Variants in DAB2IP observed in about 807,000 individuals in gnomAD.
DAB2IP encodes DAB2 interacting protein.
DAB2IP carries 28 observed loss-of-function variants against 107.2 expected under a neutral mutation model. That is an observed-to-expected ratio of 0.26 (90% CI 0.19 to 0.36). The LOEUF is 0.36. Among genes scored for constraint, DAB2IP ranks in the 10% least tolerant of loss-of-function variants. The probability of loss-of-function intolerance (pLI) is 1.00; values close to 1 mark genes in which losing one functional copy is unlikely to be tolerated. For missense variants in DAB2IP, 1,400 were observed against 1,644.7 expected (o/e 0.85, Z 2.57); for synonymous variants, 755 against 706.4 (o/e 1.07, Z -1.09).
At position 121,635,016 on chromosome 9, in the gene DAB2IP, ATGTG is replaced by A. The variant is rs375687923; in HGVS notation, c.41-43651_41-43648del. ...CCCACCCAGCCTCAGACCTGTGTAT[ATGTG>A]TGTGTGTGTGCGCGTGCGTGTGTAT... On this transcript the variant is annotated intron_variant, in intron 1 of 16. Transcript: ENST00000259371. The surrounding 1 kb of genome is among the most constrained non-coding windows in gnomAD (Gnocchi z 4.3). Among the ~76,000 whole-genome samples the A allele has an allele frequency of 6.6e-6, 1 of 151,688 alleles. No homozygotes were observed. Among genetic ancestry groups the A allele is most frequent in the Non-Finnish European group, 1.5e-5 (1 of 67,930 alleles).
intron 1 of DAB2IP, among the ~76,000 whole-genome samples, chr9:121,577,462 G>A (rs1056514094): frequency 3.9e-5 from 6 of 152,244 alleles, no homozygotes; most frequent in African/African-American, 1.4e-4. Flanking sequence ...CGGTGTGTCT[G>A]CCAGTGGGCC....
At chr9:121,754,912 C>A (rs1294446488) in intron 3 of DAB2IP, among the ~76,000 whole-genome samples, 1 of 152,194 alleles carries the variant, frequency 6.6e-6, no homozygotes, top group Non-Finnish European at 1.5e-5. Context: ...GGGTCCCTAC[C>A]CCACCCTCCC....
chr9:121,684,220 G>T lies in DAB2IP; in HGVS notation c.228+5439G>T, dbSNP rs1279011573. The stretch of plus-strand genomic sequence containing the variant: ...CCGCCCATGTCACCATGGAAAGGCT[G>T]TTGGAAATTAACTGGTTCAACCCTT... On this transcript the variant is annotated intron_variant, in intron 2 of 15. Transcript: ENST00000408936. This position sits in a 1 kb window ranked among gnomAD's most constrained non-coding sequence, Gnocchi z 4.0. Among the ~76,000 whole-genome samples the T allele has an allele frequency of 6.6e-6, 1 of 152,196 alleles. No homozygotes were observed. The highest frequency in any genetic ancestry group is 1.5e-5 in the Non-Finnish European group (1 of 68,020).
chr9:121,716,214 G>A (rs770720862), intron 3 of DAB2IP, among the ~76,000 whole-genome samples: 1 of 152,210 alleles, frequency 6.6e-6, no homozygotes, highest in Non-Finnish European at 1.5e-5. Flanking sequence ...GGTGGTAGTG[G>A]AGTATACTTT....
At chr9:121,606,776 G>GTT (rs1033556948) in intron 1 of DAB2IP, among the ~76,000 whole-genome samples, 5 of 144,444 alleles carry the variant, frequency 3.5e-5, no homozygotes, top group Admixed American at 7.0e-5. Context: ...TTTGTTTTTT[G>GTT]TTTTTTTTTT....
chr9:121,568,380 T>C (rs1371120347), intron 1 of DAB2IP, among the ~76,000 whole-genome samples: 1 of 152,054 alleles, frequency 6.6e-6, no homozygotes, highest in Non-Finnish European at 1.5e-5. Context: ...AGTTGATGCA[T>C]GCAGAGTGAC....
chr9:121,710,799 T>C (rs75716140), intron 3 of DAB2IP, among the ~76,000 whole-genome samples: 2 of 152,072 alleles, frequency 1.3e-5, no homozygotes, highest in African/African-American at 4.8e-5. Flanking sequence ...GGCGCTGAAA[T>C]CCCCAGCCAC....
chr9:121,756,823 G>T (rs1014341996), intron 3 of DAB2IP, among the ~76,000 whole-genome samples, 190 bp from the exon 4 acceptor site: 2 of 152,226 alleles, frequency 1.3e-5, no homozygotes, highest in Non-Finnish European at 2.9e-5. Context: ...GACTCTTGCA[G>T]TCGGGAGGAG....
Position 121,782,799 on chromosome 9 carries a change from A to T in DAB2IP, c.*301A>T, listed in dbSNP as rs544258563. 86 of 1,236,416 alleles carry T rather than the reference A, an allele frequency of 7.0e-5. No individual in the cohort carries two copies. The highest frequency in any genetic ancestry group is 4.9e-4 in the South Asian group (23 of 46,584). 76.6% of individuals were successfully genotyped at this position (1,236,416 alleles called of 1,614,324 possible). A position where few individuals can be genotyped will look rare whatever the true frequency, so the allele number is the denominator to read the frequency against. On this transcript the variant is annotated 3_prime_UTR_variant, in exon 16 of 16. Coordinates refer to ENST00000408936, the Ensembl canonical transcript of DAB2IP. This position sits in a 1 kb window ranked among gnomAD's most constrained non-coding sequence, Gnocchi z 6.1. ...CCAAAAATATGTCTGTTGGTTCCTGAATGTGGTGTGTCCTTGTCCTCCTGG... is the reference window on the plus strand; with the variant it reads ...CCAAAAATATGTCTGTTGGTTCCTGTATGTGGTGTGTCCTTGTCCTCCTGG...
intron 5 of DAB2IP, 28 bp downstream of exon 5, chr9:121,759,024 A>G: frequency 1.3e-6 from 2 of 1,591,134 alleles, no homozygotes; most frequent in East Asian, 2.3e-5. Flanking sequence ...TCACCAAAGC[A>G]TGGGGGATTG....
chr9:121,769,710 C>T (rs945021196), intron 10 of DAB2IP, among the ~76,000 whole-genome samples: 3 of 152,226 alleles, frequency 2.0e-5, no homozygotes, highest in African/African-American at 4.8e-5. Flanking sequence ...TGAGACCCTA[C>T]ATTCCACCTG....
At chr9:121,611,470 T>A (rs1831093779) in intron 1 of DAB2IP, among the ~76,000 whole-genome samples, 1 of 152,238 alleles carries the variant, frequency 6.6e-6, no homozygotes, top group Non-Finnish European at 1.5e-5. Context: ...CTGGCTGCTC[T>A]ACCTACCAGC....
intron 3 of DAB2IP, chr9:121,737,478 G>A (rs917071497): frequency 7.1e-6 from 7 of 985,322 alleles, no homozygotes; most frequent in South Asian, 4.7e-5. Flanking sequence ...ATGCCGGCCC[G>A]GCCGAGAGGC....
chr9:121,750,967 C>T (rs1383253613), intron 3 of DAB2IP: 1 of 163,798 alleles, frequency 6.1e-6, no homozygotes, highest in Non-Finnish European at 1.3e-5. Context: ...TGCCTTGTGC[C>T]CACGTTTCCT....
intron 8 of DAB2IP, among the ~76,000 whole-genome samples, chr9:121,764,817 C>A (rs1384816630): frequency 6.6e-6 from 1 of 152,224 alleles, no homozygotes; most frequent in African/African-American, 2.4e-5. Flanking sequence ...CTTCCTGCTC[C>A]GAGGCCACAC....
At chr9:121,742,532 C>T (rs904181513) in intron 3 of DAB2IP, among the ~76,000 whole-genome samples, 2 of 152,244 alleles carry the variant, frequency 1.3e-5, no homozygotes, top group Non-Finnish European at 2.9e-5. Flanking sequence ...GGTGCTGAGA[C>T]GCAGACAGTC....
At chr9:121,646,433 C>T (rs866299833) in intron 1 of DAB2IP, among the ~76,000 whole-genome samples, 8 of 152,214 alleles carry the variant, frequency 5.3e-5, no homozygotes, top group Admixed American at 1.3e-4. Context: ...TCATTGCCTG[C>T]CAGACAGGCC....
intron 14 of DAB2IP, among the ~76,000 whole-genome samples, chr9:121,777,003 ACT>A (rs1208815207): frequency 6.6e-6 from 1 of 151,688 alleles, no homozygotes; most frequent in East Asian, 1.9e-4. Flanking sequence ...TTTAATGCTG[ACT>A]CTCATCTTTT....
chr9:121,638,980 G>A (rs1017003839), intron 1 of DAB2IP, among the ~76,000 whole-genome samples: 1 of 152,130 alleles, frequency 6.6e-6, no homozygotes, highest in African/African-American at 2.4e-5. Context: ...GGGTGGTTGG[G>A]GAAGGGATAG....
Sources: allele counts gnomAD v4.1 joint callset (sites outside exome capture counted in the v4.1 genomes callset), GRCh38; gene constraint gnomAD v4.1.1; non-coding constraint Gnocchi (gnomAD v3.1); transcripts MANE v1.5; gene names NCBI Gene and HGNC (gene_info 2026-07-23, HGNC 2026-07-21).